FANCM: variants seen among roughly 807,000 people sequenced by gnomAD.
FANCM encodes the protein FA complementation group M.
A neutral mutation model predicts 199.5 loss-of-function variants in FANCM; 140 were observed. The ratio of observed to expected loss-of-function variants is 0.70; its 90% confidence interval spans 0.61 to 0.81. The LOEUF (loss-of-function observed/expected upper bound fraction) is 0.81. Among genes scored for constraint, FANCM ranks in the 30% least tolerant of loss-of-function variants. FANCM has a pLI of 0.00. For missense variants in FANCM, 2,410 were observed against 2,421.4 expected, an observed-to-expected ratio of 1.00 and a Z score of 0.10; for synonymous variants, 840 against 836.8, an observed-to-expected ratio of 1.00 and a Z score of -0.07.
chr14:45,160,291 G>C (rs1195735827), intron 9 of FANCM, among the ~76,000 whole-genome samples: 2 of 150,596 alleles, frequency 1.3e-5, no homozygotes, highest in African/African-American at 4.9e-5. Flanking sequence ...ACCTCGCCTG[G>C]CTGGGAGGTA....
In FANCM at chr14:45,160,698, C is replaced by T. The variant is rs188304611; in HGVS notation, c.1581+1418C>T. Among the ~76,000 whole-genome samples, 234 of 152,182 alleles carry T rather than the reference C, an allele frequency of 1.5e-3. 1 individual carries two copies. Among genetic ancestry groups the T allele is most frequent in the African/African-American group, 5.3e-3 (221 of 41,534 alleles). On this transcript the variant is annotated intron_variant, in intron 9 of 22. Transcript: ENST00000267430. ...TAGCTGGGACTACAGGTGCCCACCACGCCCAGCTAATTTTTTGTATTTTTA... is the reference window on the plus strand; with the variant it reads ...TAGCTGGGACTACAGGTGCCCACCATGCCCAGCTAATTTTTTGTATTTTTA...
intron 7 of FANCM, 148 bp from the exon 8 acceptor site, chr14:45,155,225 C>A: frequency 2.0e-6 from 1 of 496,092 alleles, no homozygotes; most frequent in South Asian, 2.4e-5. Flanking sequence ...GACTTACGTG[C>A]TACCTAGATG....
intron 2 of FANCM, among the ~76,000 whole-genome samples, chr14:45,138,440 C>A (rs1566719303): frequency 6.6e-6 from 1 of 151,978 alleles, no homozygotes; most frequent in Non-Finnish European, 1.5e-5. Flanking sequence ...TAATTATATT[C>A]AGGAAATGAA....
chr14:45,160,672 G>C (rs890441418), intron 9 of FANCM, among the ~76,000 whole-genome samples: 1 of 151,972 alleles, frequency 6.6e-6, no homozygotes, highest in African/African-American at 2.4e-5. Flanking sequence ...AGCCTCCCGA[G>C]TAGCTGGGAC....
rs936653683 is a variant in FANCM at position 45,176,367 on chromosome 14, G to A, written c.3613G>A (p.Asp1205Asn). 6.2e-7 allele frequency: 1 copy of A among 1,613,202 alleles called. No individual in the cohort carries two copies. Among genetic ancestry groups the A allele is most frequent in the Non-Finnish European group, 8.5e-7 (1 of 1,179,870 alleles). The change falls in exon 14 of 23, where the codon GAT becomes AAT. Residue 1205 changes from aspartate (D) to asparagine (N), a missense_variant. Coordinates refer to ENST00000267430, the MANE Select transcript of FANCM (RefSeq NM_020937.4). ...TRDANSFKSR[D>N]QRGVQEEKVK... ...TGATGCTAATAGTTTTAAATCTCGT[G>A]ATCAGAGAGGTGTACAGGAAGAAAA...
chr14:45,169,718 G>A (rs965195231), intron 11 of FANCM, among the ~76,000 whole-genome samples: 12 of 152,166 alleles, frequency 7.9e-5, no homozygotes, highest in African/African-American at 2.4e-4. Context: ...ATTCAGTAGC[G>A]TCTCAATTTT....
At chr14:45,174,783 C>T (rs1258496886) in intron 13 of FANCM, among the ~76,000 whole-genome samples, 1 of 152,044 alleles carries the variant, frequency 6.6e-6, no homozygotes, top group Non-Finnish European at 1.5e-5. Context: ...TCACTATATT[C>T]TTATGTATTC....
chr14:45,192,445 C>A (rs1291491870), intron 20 of FANCM, among the ~76,000 whole-genome samples: 2 of 152,166 alleles, frequency 1.3e-5, no homozygotes, highest in Non-Finnish European at 2.9e-5. Flanking sequence ...AGTTTGATAC[C>A]AGCCTGGCCA....
At chr14:45,195,346 T>C in intron 20 of FANCM, 1 of 331,062 alleles carries the variant, frequency 3.0e-6, no homozygotes. Context: ...AGGGCCAGTA[T>C]GTAGATACCA....
At chr14:45,180,433 T>A (rs1384022227) in intron 14 of FANCM, among the ~76,000 whole-genome samples, 1 of 137,600 alleles carries the variant, frequency 7.3e-6, no homozygotes, top group Non-Finnish European at 1.6e-5. Context: ...GTATGTGGTG[T>A]TTTTTTTTTT....
At chr14:45,136,771 C>A (rs1328889151) in intron 1 of FANCM, among the ~76,000 whole-genome samples, 1 of 152,196 alleles carries the variant, frequency 6.6e-6, no homozygotes, top group Non-Finnish European at 1.5e-5. Context: ...GGTAACTGAA[C>A]ATGATATTTC....
chr14:45,168,125 T>C (rs1266049814), intron 11 of FANCM, among the ~76,000 whole-genome samples: 1 of 152,198 alleles, frequency 6.6e-6, no homozygotes, highest in Non-Finnish European at 1.5e-5. Flanking sequence ...TTCAACTGTT[T>C]GTTCCACTGT....
chr14:45,150,655 C>G (rs1401863753), intron 4 of FANCM, among the ~76,000 whole-genome samples: 1 of 152,162 alleles, frequency 6.6e-6, no homozygotes, highest in Non-Finnish European at 1.5e-5. Context: ...CATGTGAACT[C>G]AAATGTTCTC....
intron 1 of FANCM, among the ~76,000 whole-genome samples, chr14:45,136,813 T>G (rs907785322): frequency 5.9e-5 from 9 of 152,254 alleles, no homozygotes; most frequent in Non-Finnish European, 1.3e-4. Context: ...ATTTCTCAGT[T>G]GAAGAATTTG....
Position 45,176,611 on chromosome 14 carries a change from G to T in FANCM, c.3857G>T (p.Ser1286Ile), listed in dbSNP as rs1888719897. 3 of 1,610,188 alleles carry T rather than the reference G, an allele frequency of 1.9e-6. No homozygotes were observed. The highest frequency in any genetic ancestry group is 3.4e-5 in the Admixed American group (2 of 59,358). Residue 1286 changes from serine (S) to isoleucine (I), a missense_variant, in exon 14 of 23, where the codon AGT (serine) becomes ATT (isoleucine). By Grantham distance (142) the Ser-to-Ile change is moderately radical (BLOSUM62 -2). Transcript: ENST00000267430. The part of the protein sequence containing the change: ...SNQALIPRDH[S>I]KNFTSGTVII... The stretch of plus-strand genomic sequence containing the variant: ...CAAGCACTAATACCAAGAGATCATA[G>T]TAAAAATTTTACTAGTGGAACTGTT...
chr14:45,186,802 A>G (rs1475216435), intron 18 of FANCM, among the ~76,000 whole-genome samples: 1 of 152,196 alleles, frequency 6.6e-6, no homozygotes, highest in Non-Finnish European at 1.5e-5. Context: ...ATGAGGGAAA[A>G]GGGAAGGTAG....
At position 45,199,940 on chromosome 14, in the gene FANCM, C is replaced by A; in HGVS notation, c.6079C>A (p.His2027Asn). The A allele has an allele frequency of 6.3e-7, 1 of 1,599,622 alleles. No individual in the cohort carries two copies. Among genetic ancestry groups the A allele is most frequent in the South Asian group, 1.1e-5 (1 of 90,762 alleles). Residue 2027 changes from histidine (H) to asparagine (N), a missense_variant, in exon 23 of 23, where the codon CAC (histidine) becomes AAC (asparagine). Coordinates refer to ENST00000267430, the MANE Select transcript of FANCM (RefSeq NM_020937.4). ...GGCTGAGGAGATCTATAGATATATT[C>A]ACTATGTATTTGACATACAAATGTT... ...QKAEEIYRYI[H>N]YVFDIQMLPN...
chr14:45,166,806 A>G, intron 10 of FANCM, 144 bp from the exon 11 acceptor site: 1 of 625,014 alleles, frequency 1.6e-6, no homozygotes, highest in South Asian at 2.0e-5. Flanking sequence ...ATTCAAGACA[A>G]CAGAAGCTCC....
intron 5 of FANCM, among the ~76,000 whole-genome samples, chr14:45,152,386 A>G (rs1594770668): frequency 6.6e-6 from 1 of 152,252 alleles, no homozygotes; most frequent in East Asian, 1.9e-4. Context: ...TTTATTTTGT[A>G]AAGTCTCAAA....
Sources: allele counts gnomAD v4.1 joint callset (sites outside exome capture counted in the v4.1 genomes callset), GRCh38; gene constraint gnomAD v4.1.1; transcripts MANE v1.5; gene names NCBI Gene and HGNC (gene_info 2026-07-23, HGNC 2026-07-21).